RGS20: variants seen among roughly 807,000 people sequenced by gnomAD.
RGS20 encodes the protein regulator of G protein signaling 20.
A neutral mutation model predicts 33.6 loss-of-function variants in RGS20; 30 were observed. The observed-to-expected ratio is 0.89, with a 90% CI of 0.67 to 1.21. RGS20 has a LOEUF of 1.21. Among genes scored for constraint, RGS20 ranks in the 50% most tolerant of loss-of-function variants. RGS20 has a pLI of 0.00. For missense variants in RGS20, 472 were observed against 502.4 expected (o/e 0.94, Z 0.58); for synonymous variants, 208 against 197.9 (o/e 1.05, Z -0.43).
chr8:53,955,586 T>C (rs185115697), intron 5 of RGS20, among the ~76,000 whole-genome samples: 2 of 152,234 alleles, frequency 1.3e-5, no homozygotes, highest in Admixed American at 6.5e-5. Context: ...TCGCAGCATT[T>C]TGGCAGGCCG....
At chr8:53,852,131 A>G in intron 1 of RGS20, 1 of 1,417,900 alleles carries the variant, frequency 7.1e-7, no homozygotes, top group Non-Finnish European at 9.5e-7. Flanking sequence ...GAAAGAATAT[A>G]AAACTATACT....
chr8:53,929,873 A>C (rs1813906301), intron 2 of RGS20, among the ~76,000 whole-genome samples: 1 of 152,186 alleles, frequency 6.6e-6, no homozygotes, highest in Non-Finnish European at 1.5e-5. Context: ...TTAAAATTAA[A>C]ATTTTTTTTA....
At chr8:53,953,191 C>T (rs1016055145) in intron 4 of RGS20, among the ~76,000 whole-genome samples, 3 of 152,318 alleles carry the variant, frequency 2.0e-5, no homozygotes, top group African/African-American at 7.2e-5. Flanking sequence ...AGTGCACTTG[C>T]ACCCCCTAAT....
chr8:53,920,567 G>A (rs1482870413), intron 2 of RGS20, among the ~76,000 whole-genome samples: 1 of 152,098 alleles, frequency 6.6e-6, no homozygotes, highest in Non-Finnish European at 1.5e-5. Flanking sequence ...TTCCAATGTA[G>A]TATGAATAGA....
At chr8:53,881,885 C>CT (rs1380825296) in intron 2 of RGS20, among the ~76,000 whole-genome samples, 1 of 151,926 alleles carries the variant, frequency 6.6e-6, no homozygotes, top group Non-Finnish European at 1.5e-5. Flanking sequence ...ACTGCGGAGA[C>CT]TGGAAAGCAG....
intron 4 of RGS20, among the ~76,000 whole-genome samples, chr8:53,950,243 A>T (rs1814670897): frequency 6.6e-6 from 1 of 152,200 alleles, no homozygotes; most frequent in African/African-American, 2.4e-5. Context: ...AAAATTGATG[A>T]TTGAAATAGA....
chr8:53,951,516 C>G (rs1426786251), intron 4 of RGS20, among the ~76,000 whole-genome samples: 1 of 151,622 alleles, frequency 6.6e-6, no homozygotes, highest in African/African-American at 2.4e-5. Context: ...AAAAAAGAAA[C>G]AGGGAGAAAT....
chr8:53,947,641 G>C (rs958745782), intron 4 of RGS20, among the ~76,000 whole-genome samples: 7 of 93,932 alleles, frequency 7.5e-5, no homozygotes, highest in Admixed American at 1.3e-4. Flanking sequence ...ATAGGATATA[G>C]TACATACATT....
At chr8:53,875,341 A>T (rs929442847) in intron 1 of RGS20, among the ~76,000 whole-genome samples, 2 of 149,254 alleles carry the variant, frequency 1.3e-5, no homozygotes, top group Admixed American at 6.7e-5. Context: ...CTGAGGCAGG[A>T]GAATCGCTTG....
intron 1 of RGS20, among the ~76,000 whole-genome samples, chr8:53,867,515 G>C (rs752419740): frequency 2.0e-5 from 3 of 152,118 alleles, no homozygotes; most frequent in Non-Finnish European, 2.9e-5. Context: ...GGCATTACTT[G>C]ACGCAGATCC....
intron 5 of RGS20, 128 bp from the exon 5 acceptor site, chr8:53,958,142 A>C: frequency 7.4e-6 from 5 of 672,502 alleles, no homozygotes; most frequent in Non-Finnish European, 1.2e-5. Flanking sequence ...TCTCAAAACA[A>C]AACAAACAAC....
intron 5 of RGS20, among the ~76,000 whole-genome samples, chr8:53,957,833 T>C (rs1392709883): frequency 6.6e-6 from 1 of 152,184 alleles, no homozygotes; most frequent in African/African-American, 2.4e-5. Context: ...TTGGATGATC[T>C]TGTTTGGTTT....
At chr8:53,948,034 A>T (rs1247429658) in intron 4 of RGS20, among the ~76,000 whole-genome samples, 1 of 135,432 alleles carries the variant, frequency 7.4e-6, no homozygotes, top group African/African-American at 2.7e-5. Context: ...ACTATATATA[A>T]GTATATATGC....
chr8:53,933,739 A>G (rs547416239), intron 2 of RGS20: 1 of 152,644 alleles, frequency 6.6e-6, no homozygotes, highest in East Asian at 1.9e-4. Context: ...CCAACGTTCA[A>G]ACTCAGGAAA....
chr8:53,938,196 T>C (rs922905889), intron 2 of RGS20, among the ~76,000 whole-genome samples: 1 of 152,224 alleles, frequency 6.6e-6, no homozygotes, highest in African/African-American at 2.4e-5. Context: ...TGGAATTCTA[T>C]GCAGCCATTA....
intron 5 of RGS20, 151 bp from the exon 5 acceptor site, chr8:53,958,119 G>A (rs1814926371): frequency 3.6e-6 from 2 of 548,312 alleles, no homozygotes; most frequent in Non-Finnish European, 6.2e-6. Context: ...CTGGGTGACA[G>A]AGTAAGACTC....
Position 53,858,919 on chromosome 8 carries a change from G to C in RGS20, c.165+6855G>C, listed in dbSNP as rs566936773. ...AAAAAAAAAAAAAAAAAAACCGCGGGGGGTGGGGCAGAGGAAGTGGGAAGT... is the reference window on the plus strand; with the variant it reads ...AAAAAAAAAAAAAAAAAAACCGCGGCGGGTGGGGCAGAGGAAGTGGGAAGT... On this transcript the variant is annotated intron_variant, in intron 1 of 5. Transcript: ENST00000297313. Among the ~76,000 whole-genome samples, 772 of 151,576 alleles carry C rather than the reference G, an allele frequency of 5.1e-3. 7 individuals carry two copies. Among genetic ancestry groups the C allele is most frequent in the Non-Finnish European group, 6.7e-3 (457 of 67,892 alleles).
In RGS20 at chr8:53,879,435, C is replaced by A; in HGVS notation, c.343C>A (p.Arg115=). Residue 115 remains arginine (R), a synonymous_variant, in exon 2 of 6, where the codon CGG becomes AGG. Transcript: ENST00000297313. ...CCTGCTTCCCGCCCTGCCGGCCGCC[C>A]GGCTCTCGAGGGGGCACGAGGAGCT... 1 of 1,606,230 alleles carries A rather than the reference C, an allele frequency of 6.2e-7. No individual in the cohort carries two copies. Among genetic ancestry groups the A allele is most frequent in the Non-Finnish European group, 8.5e-7 (1 of 1,177,038 alleles).
intron 2 of RGS20, among the ~76,000 whole-genome samples, chr8:53,895,126 C>T (rs1215308765): frequency 2.0e-5 from 3 of 151,906 alleles, no homozygotes; most frequent in Non-Finnish European, 4.4e-5. Flanking sequence ...GCAGGCCTGG[C>T]GTGAGTCCTG....
Sources: allele counts gnomAD v4.1 joint callset (sites outside exome capture counted in the v4.1 genomes callset), GRCh38; gene constraint gnomAD v4.1.1; transcripts MANE v1.5; gene names NCBI Gene and HGNC (gene_info 2026-07-23, HGNC 2026-07-21).